The following CNTN1 variants were observed in gnomAD, a reference collection of about 807,000 sequenced individuals.
The protein encoded by CNTN1 is contactin-1.
A neutral mutation model predicts 126.4 loss-of-function variants in CNTN1; 38 were observed. The ratio of observed to expected loss-of-function variants is 0.30; its 90% CI spans 0.23 to 0.39. The LOEUF is 0.39. Ranked by LOEUF, CNTN1 falls within the 10% of genes least tolerant of loss-of-function variation. The pLI is 1.00. For missense variants in CNTN1, 1,009 were observed against 1,248.4 expected, an observed-to-expected ratio of 0.81 and a Z score of 2.89; for synonymous variants, 413 against 422.6, an observed-to-expected ratio of 0.98 and a Z score of 0.28.
intron 23 of CNTN1, among the ~76,000 whole-genome samples, chr12:41,051,145 C>CTTT (rs58479316): frequency 0.012 from 1,447 of 120,390 alleles, 61 homozygotes; most frequent in African/African-American, 0.042. Flanking sequence ...GCTTTGTGAT[C>CTTT]TTTTTTTTTT....
intron 1 of CNTN1, among the ~76,000 whole-genome samples, chr12:40,889,761 A>G (rs1375365936): frequency 6.6e-6 from 1 of 152,242 alleles, no homozygotes; most frequent in Non-Finnish European, 1.5e-5. Flanking sequence ...TCCAGTGATG[A>G]GAAGAATCAT....
intron 1 of CNTN1, among the ~76,000 whole-genome samples, chr12:40,903,419 AT>A (rs1378235142): frequency 1.7e-5 from 2 of 120,166 alleles, no homozygotes; most frequent in Non-Finnish European, 3.4e-5. Context: ...CTGTCACTTC[AT>A]TTTTTGCAAC....
At chr12:40,815,846 G>T (rs555295072) in intron 1 of CNTN1, among the ~76,000 whole-genome samples, 35 of 152,300 alleles carry the variant, frequency 2.3e-4, no homozygotes, top group African/African-American at 8.4e-4. Context: ...TTTATTGAGA[G>T]ATTTTAACAT....
chr12:40,750,582 C>T (rs541736160), intron 1 of CNTN1, among the ~76,000 whole-genome samples: 2 of 151,984 alleles, frequency 1.3e-5, no homozygotes, highest in African/African-American at 2.4e-5. Context: ...GCCAGAGGAT[C>T]GCTTGAACCC....
chr12:40,776,780 G>A (rs900875877), intron 1 of CNTN1, among the ~76,000 whole-genome samples: 1 of 151,620 alleles, frequency 6.6e-6, no homozygotes, highest in Non-Finnish European at 1.5e-5. Context: ...AATGATTTCT[G>A]TACAATTCTC....
intron 1 of CNTN1, among the ~76,000 whole-genome samples, chr12:40,865,168 CT>C (rs1943255280): frequency 6.6e-6 from 1 of 152,020 alleles, no homozygotes; most frequent in Admixed American, 6.6e-5. Flanking sequence ...TCTTCAAATC[CT>C]TTGTTTATTT....
chr12:40,738,064 T>C (rs1236390738), intron 1 of CNTN1, among the ~76,000 whole-genome samples: 1 of 152,046 alleles, frequency 6.6e-6, no homozygotes, highest in Non-Finnish European at 1.5e-5. Flanking sequence ...TTTAATAAGA[T>C]AGTAATAGGC....
intron 15 of CNTN1, among the ~76,000 whole-genome samples, chr12:40,969,112 G>A (rs748890696): frequency 3.9e-5 from 6 of 152,028 alleles, no homozygotes; most frequent in Admixed American, 2.6e-4. Flanking sequence ...ACTTAACGAC[G>A]TAAAATCCCT....
intron 15 of CNTN1, among the ~76,000 whole-genome samples, chr12:40,960,578 GT>G (rs554815594): frequency 1.3e-3 from 197 of 152,142 alleles, no homozygotes; most frequent in African/African-American, 4.0e-3. Flanking sequence ...CTCCAATAGA[GT>G]TTTAAGAAGT....
At chr12:40,972,239 CG>C (rs1947537743) in intron 15 of CNTN1, 1 of 985,160 alleles carries the variant, frequency 1.0e-6, no homozygotes, top group Non-Finnish European at 1.2e-6. Flanking sequence ...TTTTGTAGAT[CG>C]TTTGGGTGGA....
chr12:40,852,334 G>C (rs1398255257), intron 1 of CNTN1, among the ~76,000 whole-genome samples: 1 of 152,112 alleles, frequency 6.6e-6, no homozygotes, highest in Admixed American at 6.5e-5. Context: ...TATAGATGAG[G>C]AAACGTTCAG....
intron 1 of CNTN1, among the ~76,000 whole-genome samples, chr12:40,791,270 T>A (rs909181380): frequency 1.3e-5 from 2 of 152,172 alleles, no homozygotes; most frequent in Non-Finnish European, 2.9e-5. Context: ...CATGTCATTG[T>A]CTTATTTCCA....
At chr12:40,892,080 C>G (rs966687719) in intron 1 of CNTN1, among the ~76,000 whole-genome samples, 2 of 152,074 alleles carry the variant, frequency 1.3e-5, no homozygotes, top group Non-Finnish European at 2.9e-5. Flanking sequence ...CTTTTCCATA[C>G]TAGAGCCCTG....
At chr12:40,922,920 G>A (rs900632431) in intron 5 of CNTN1, among the ~76,000 whole-genome samples, 7 of 147,384 alleles carry the variant, frequency 4.7e-5, no homozygotes, top group Non-Finnish European at 7.4e-5. Context: ...GCAGTAAGCC[G>A]AGATTGTGCC....
intron 1 of CNTN1, among the ~76,000 whole-genome samples, chr12:40,696,810 G>A (rs963832062): frequency 3.9e-4 from 59 of 152,040 alleles, no homozygotes; most frequent in African/African-American, 1.3e-3. Flanking sequence ...AAGAAATACT[G>A]GGAATAAAGA....
chr12:40,939,570 A>T (rs1592288030), intron 12 of CNTN1, 85 bp downstream of exon 12: 2 of 1,497,796 alleles, frequency 1.3e-6, no homozygotes, highest in Non-Finnish European at 1.8e-6. Context: ...GTTAATAATG[A>T]AAATGTTTTT....
chr12:40,731,909 C>T (rs1050171394), intron 1 of CNTN1, among the ~76,000 whole-genome samples: 1 of 151,822 alleles, frequency 6.6e-6, no homozygotes, highest in Non-Finnish European at 1.5e-5. Context: ...AATACAGGAA[C>T]AAAATAAGCA....
chr12:40,718,846 G>C (rs1226045021), intron 1 of CNTN1, among the ~76,000 whole-genome samples: 2 of 151,976 alleles, frequency 1.3e-5, no homozygotes, highest in Non-Finnish European at 2.9e-5. Context: ...ATCTTTATTT[G>C]AAAAGGCCTT....
intron 17 of CNTN1, among the ~76,000 whole-genome samples, chr12:41,006,968 T>C (rs1235871176): frequency 6.6e-6 from 1 of 150,958 alleles, no homozygotes; most frequent in Non-Finnish European, 1.5e-5. Context: ...CCTGAAGGAG[T>C]TTGAAGGAGA....
Sources: allele counts gnomAD v4.1 joint callset (sites outside exome capture counted in the v4.1 genomes callset), GRCh38; gene constraint gnomAD v4.1.1; transcripts MANE v1.5; gene names NCBI Gene and HGNC (gene_info 2026-07-23, HGNC 2026-07-21).